Variants in KALRN observed in about 807,000 individuals in gnomAD.
KALRN encodes the protein kalirin.
KALRN carries 70 observed loss-of-function variants against 353.7 expected under a neutral mutation model. The observed-to-expected ratio is 0.20, with a 90% confidence interval of 0.16 to 0.24. KALRN has a LOEUF of 0.24. Ranked by LOEUF, KALRN falls within the 10% of genes least tolerant of loss-of-function variation. KALRN has a pLI of 1.00. For synonymous variants in KALRN, 1,391 were observed against 1,434.8 expected (o/e 0.97, Z 0.69); for missense variants, 2,791 against 3,756.7 (o/e 0.74, Z 6.72).
chr3:124,277,970 AAAG>A, intron 5 of KALRN, among the ~76,000 whole-genome samples: 1 of 150,728 alleles, frequency 6.6e-6, no homozygotes, highest in East Asian at 2.0e-4. Flanking sequence ...TGAGCTGTGA[AAAG>A]AAGGTCTGAT....
intron 1 of KALRN, among the ~76,000 whole-genome samples, chr3:124,203,194 T>G (rs2076109763): frequency 6.6e-6 from 1 of 152,148 alleles, no homozygotes; most frequent in African/African-American, 2.4e-5. Flanking sequence ...TGCAGCAGTT[T>G]GGGGTGCCAA....
intron 19 of KALRN, among the ~76,000 whole-genome samples, chr3:124,445,238 G>C: frequency 6.6e-6 from 1 of 152,198 alleles, no homozygotes. Flanking sequence ...TTATAAAAAT[G>C]AGTGTCTTCC....
intron 26 of KALRN, among the ~76,000 whole-genome samples, chr3:124,476,862 T>G (rs1158857182): frequency 6.6e-6 from 1 of 152,224 alleles, no homozygotes; most frequent in Non-Finnish European, 1.5e-5. Context: ...TGTTTTTGTA[T>G]TCAGAGCAAA....
At chr3:124,352,757 C>T (rs1235002319) in intron 10 of KALRN, among the ~76,000 whole-genome samples, 3 of 151,104 alleles carry the variant, frequency 2.0e-5, no homozygotes, top group Non-Finnish European at 4.4e-5. Context: ...AGCAAAGTAA[C>T]ACAAGAAGAG....
chr3:124,303,151 C>T (rs950303175), intron 6 of KALRN, among the ~76,000 whole-genome samples: 4 of 151,982 alleles, frequency 2.6e-5, no homozygotes, highest in African/African-American at 9.7e-5. Context: ...ATTAACATAC[C>T]AAGAGTGTGG....
intron 6 of KALRN, among the ~76,000 whole-genome samples, chr3:124,300,407 A>G (rs2077172939): frequency 2.0e-5 from 3 of 152,188 alleles, no homozygotes; most frequent in Admixed American, 2.0e-4. Flanking sequence ...AGCTCTGCTT[A>G]TCATAGCCAC....
chr3:124,419,160 A>G (rs2092664119), intron 14 of KALRN, among the ~76,000 whole-genome samples: 1 of 151,940 alleles, frequency 6.6e-6, no homozygotes, highest in Non-Finnish European at 1.5e-5. Flanking sequence ...ATTGTTTCCA[A>G]TGATATACAG....
At chr3:124,351,070 G>A (rs2149589440) in intron 10 of KALRN, among the ~76,000 whole-genome samples, 1 of 152,266 alleles carries the variant, frequency 6.6e-6, no homozygotes, top group Non-Finnish European at 1.5e-5. Flanking sequence ...TCTGAGACCT[G>A]CTTTGTTCTG....
chr3:124,292,446 G>A (rs74755712), intron 5 of KALRN, among the ~76,000 whole-genome samples: 6,573 of 152,312 alleles, frequency 0.043, 203 homozygotes, highest in Middle Eastern at 0.065. Context: ...AGCAGAGAGG[G>A]TGGGGAAGGG....
At chr3:124,446,096 C>T (rs747283564) in intron 19 of KALRN, 65 bp from the exon 20 acceptor site, 16 of 1,023,888 alleles carry the variant, frequency 1.6e-5, no homozygotes, top group Non-Finnish European at 2.4e-5. Context: ...GGCCGTGGGG[C>T]TGAAGGGGTT....
chr3:124,061,580 C>T (rs2041998855), intron 1 of KALRN, among the ~76,000 whole-genome samples: 2 of 152,194 alleles, frequency 1.3e-5, no homozygotes, highest in African/African-American at 4.8e-5. Context: ...TAGACAAGGA[C>T]ATTTATTTTT....
In KALRN at chr3:124,718,856, T is replaced by C; in HGVS notation, c.8416-69T>C. On this transcript the variant is annotated intron_variant, in intron 59 of 59. Coordinates refer to ENST00000682506, the MANE Select transcript of KALRN (RefSeq NM_001388419.1). ...CATAACTGTGTTTGAATTAATGAGGTATTTTGAGTAGTCAAAATAGAGGCC... is the reference window on the plus strand; with the variant it reads ...CATAACTGTGTTTGAATTAATGAGGCATTTTGAGTAGTCAAAATAGAGGCC... The C allele has an allele frequency of 2.9e-6, 4 of 1,364,436 alleles. No individual in the cohort carries two copies. The South Asian group carries it at 5.0e-5, about 17-fold the overall frequency. The allele number at this position is 1,364,436 out of a possible 1,614,324, so 84.5% of individuals were successfully genotyped here. A position where few individuals can be genotyped will look rare whatever the true frequency, so the allele number is the denominator to read the frequency against.
intron 1 of KALRN, among the ~76,000 whole-genome samples, chr3:124,156,981 A>G (rs1294031033): frequency 6.6e-6 from 1 of 152,204 alleles, no homozygotes; most frequent in Admixed American, 6.5e-5. Context: ...CTTTTTAAAG[A>G]GACTCTTCTG....
chr3:124,304,648 A>G (rs1267192217), intron 6 of KALRN, among the ~76,000 whole-genome samples: 2 of 152,214 alleles, frequency 1.3e-5, no homozygotes, highest in African/African-American at 4.8e-5. Flanking sequence ...AGCAAATGAA[A>G]AACATTTATT....
chr3:124,241,944 G>C (rs893073286), intron 3 of KALRN, among the ~76,000 whole-genome samples: 6 of 152,340 alleles, frequency 3.9e-5, no homozygotes, highest in East Asian at 1.9e-4. Context: ...AGATGAAGGG[G>C]TGTCAGGTTA....
At chr3:124,508,487 G>A (rs1430747686) in intron 33 of KALRN, among the ~76,000 whole-genome samples, 7 of 152,016 alleles carry the variant, frequency 4.6e-5, no homozygotes, top group South Asian at 2.1e-4. Context: ...GGGATTCATC[G>A]ATGCTGATGT....
At chr3:124,301,968 T>C (rs539435955) in intron 6 of KALRN, among the ~76,000 whole-genome samples, 166 of 152,334 alleles carry the variant, frequency 1.1e-3, no homozygotes, top group Non-Finnish European at 1.7e-3. Context: ...TGGTTCCTTA[T>C]GTTTCAGGTA....
chr3:124,296,840 A>G (rs1021025468), intron 5 of KALRN, among the ~76,000 whole-genome samples: 1 of 152,144 alleles, frequency 6.6e-6, no homozygotes, highest in African/African-American at 2.4e-5. Context: ...GCTGATTCCT[A>G]TCTGAATCAA....
chr3:124,674,556 A>C lies in KALRN; in HGVS notation c.7135A>C (p.Ser2379Arg). The C allele has an allele frequency of 6.2e-7, 1 of 1,611,840 alleles. No homozygotes were observed. Among genetic ancestry groups the C allele is most frequent in the Non-Finnish European group, 8.5e-7 (1 of 1,178,734 alleles). ...CGCCGCCGAGGGCTGGGTCCCAGGC[A>C]GCATCCTGGCGCCCCTCACCAAAGC... ...SPAAEGWVPG[S>R]ILAPLTKATA... The change falls in exon 49 of 60, where the codon AGC becomes CGC. Residue 2379 changes from serine (S) to arginine (R), a missense_variant. By Grantham distance (110) the Ser-to-Arg change is moderately radical. Coordinates refer to ENST00000682506, the MANE Select transcript of KALRN (RefSeq NM_001388419.1).
Sources: allele counts gnomAD v4.1 joint callset (sites outside exome capture counted in the v4.1 genomes callset), GRCh38; gene constraint gnomAD v4.1.1; transcripts MANE v1.5; gene names NCBI Gene and HGNC (gene_info 2026-07-23, HGNC 2026-07-21).